DPP10: variants seen among roughly 807,000 people sequenced by gnomAD.
DPP10 encodes the protein dipeptidyl peptidase like 10.
A neutral mutation model predicts 120.9 loss-of-function variants in DPP10; 33 were observed. The observed-to-expected ratio is 0.27, with a 90% CI of 0.21 to 0.37. The LOEUF (loss-of-function observed/expected upper bound fraction) is 0.37. Ranked by LOEUF, DPP10 falls within the 10% of genes least tolerant of loss-of-function variation. The pLI, the probability that DPP10 is intolerant of heterozygous loss-of-function variation, is 1.00. For missense variants in DPP10, 816 were observed against 942.8 expected, an observed-to-expected ratio of 0.87 and a Z score of 1.76; for synonymous variants, 337 against 326.1, an observed-to-expected ratio of 1.03 and a Z score of -0.36.
intron 5 of DPP10, among the ~76,000 whole-genome samples, chr2:115,635,821 T>C (rs2086276427): frequency 6.6e-6 from 1 of 152,220 alleles, no homozygotes; most frequent in African/African-American, 2.4e-5. Flanking sequence ...AATGATAGAC[T>C]AGAAAACTCT....
At chr2:115,286,664 TAA>T (rs1354419592) in intron 1 of DPP10, among the ~76,000 whole-genome samples, 1 of 148,940 alleles carries the variant, frequency 6.7e-6, no homozygotes, top group Non-Finnish European at 1.5e-5. Flanking sequence ...GGGTGTGGAT[TAA>T]AAGTTTTGGA....
At chr2:115,739,162 C>T (rs1328356289) in intron 8 of DPP10, among the ~76,000 whole-genome samples, 1 of 152,070 alleles carries the variant, frequency 6.6e-6, no homozygotes, top group East Asian at 1.9e-4. Context: ...TTTCTAATCT[C>T]CTGCCAAAGG....
intron 3 of DPP10, among the ~76,000 whole-genome samples, chr2:115,373,857 G>A (rs2065591828): frequency 6.9e-6 from 1 of 145,226 alleles, no homozygotes; most frequent in African/African-American, 2.5e-5. Context: ...TGAAGGGGAA[G>A]CAAGCATGTC....
At chr2:114,760,266 G>A (rs954977993) in intron 1 of DPP10, among the ~76,000 whole-genome samples, 18 of 152,222 alleles carry the variant, frequency 1.2e-4, no homozygotes, top group Admixed American at 2.6e-4. Flanking sequence ...TCTGAGAACC[G>A]TCCTAGCATA....
At chr2:114,666,512 A>G (rs181001328) in intron 1 of DPP10, among the ~76,000 whole-genome samples, 55 of 152,312 alleles carry the variant, frequency 3.6e-4, no homozygotes, top group African/African-American at 1.3e-3. Context: ...AGCAAACGCC[A>G]TTTTCATCTG....
At chr2:114,524,486 C>T (rs1685329786) in intron 1 of DPP10, among the ~76,000 whole-genome samples, 1 of 152,160 alleles carries the variant, frequency 6.6e-6, no homozygotes, top group Admixed American at 6.5e-5. Context: ...GAAAATCACA[C>T]CCAAAATATT....
chr2:115,710,451 A>G (rs1309090004), intron 7 of DPP10, among the ~76,000 whole-genome samples: 1 of 152,128 alleles, frequency 6.6e-6, no homozygotes, highest in Non-Finnish European at 1.5e-5. Context: ...CCTTAATAAT[A>G]ATTTTCACAA....
At chr2:115,004,242 T>A (rs984440767) in intron 1 of DPP10, among the ~76,000 whole-genome samples, 5 of 152,176 alleles carry the variant, frequency 3.3e-5, no homozygotes, top group African/African-American at 1.2e-4. Flanking sequence ...TAAGACGTGG[T>A]GTTTGATATA....
intron 5 of DPP10, among the ~76,000 whole-genome samples, chr2:115,566,461 A>C (rs2081015804): frequency 6.6e-6 from 1 of 151,626 alleles, no homozygotes; most frequent in Non-Finnish European, 1.5e-5. Flanking sequence ...GTTACTATAG[A>C]CTCGTGGATT....
At chr2:115,714,039 A>G (rs2092412049) in intron 7 of DPP10, among the ~76,000 whole-genome samples, 1 of 152,186 alleles carries the variant, frequency 6.6e-6, no homozygotes, top group Non-Finnish European at 1.5e-5. Flanking sequence ...CTAGCTGTCT[A>G]AACATCTGCT....
intron 1 of DPP10, among the ~76,000 whole-genome samples, chr2:114,690,600 T>A (rs990230405): frequency 6.6e-6 from 1 of 151,996 alleles, no homozygotes; most frequent in Non-Finnish European, 1.5e-5. Context: ...TATACAAATA[T>A]TTTTTCTAAT....
chr2:115,246,919 G>A (rs1291517515), intron 1 of DPP10, among the ~76,000 whole-genome samples: 1 of 152,128 alleles, frequency 6.6e-6, no homozygotes, highest in Non-Finnish European at 1.5e-5. Flanking sequence ...GAGTGAGGGT[G>A]TATTTGCCTA....
At chr2:115,452,842 G>A (rs2197794) in intron 3 of DPP10, among the ~76,000 whole-genome samples, 28,647 of 151,630 alleles carry the variant, frequency 0.19, 3,600 homozygotes, top group East Asian at 0.39. Flanking sequence ...AGACATATTC[G>A]TTTAGTAGGT....
chr2:115,426,305 C>G (rs1460800776), intron 3 of DPP10, among the ~76,000 whole-genome samples: 2 of 36,350 alleles, frequency 5.5e-5, no homozygotes, highest in Non-Finnish European at 9.6e-5. Context: ...CTGGAGATGA[C>G]ATTTCAACAT....
chr2:114,766,263 A>G (rs1216771260), intron 1 of DPP10, among the ~76,000 whole-genome samples: 2 of 152,106 alleles, frequency 1.3e-5, no homozygotes, highest in Non-Finnish European at 2.9e-5. Context: ...CCATTTCATC[A>G]GCTAAAATAA....
intron 1 of DPP10, among the ~76,000 whole-genome samples, chr2:115,286,906 G>T (rs1415207952): frequency 6.6e-6 from 1 of 151,884 alleles, no homozygotes; most frequent in East Asian, 1.9e-4. Context: ...CAAAACAGTT[G>T]TGCCATGGCA....
At chr2:115,557,181 A>G (rs560183363) in intron 5 of DPP10, among the ~76,000 whole-genome samples, 1 of 152,226 alleles carries the variant, frequency 6.6e-6, no homozygotes, top group South Asian at 2.1e-4. Context: ...CTCTCTGTAC[A>G]TACTGAATTT....
intron 7 of DPP10, among the ~76,000 whole-genome samples, chr2:115,709,805 A>G (rs1187242344): frequency 6.6e-6 from 1 of 152,048 alleles, no homozygotes; most frequent in East Asian, 1.9e-4. Flanking sequence ...GAAAACTGCA[A>G]ATCTCTAACA....
rs370241001 is a variant in DPP10, at chr2:115,827,303, A to G, written c.1951-8854A>G. The stretch of plus-strand genomic sequence containing the variant: ...TACACATACATATATACACATACAT[A>G]TATATACACATGTACATGTATATGT... On this transcript the variant is annotated intron_variant, in intron 21 of 25. Coordinates refer to ENST00000410059, the MANE Select transcript of DPP10 (RefSeq NM_020868.6). Among the ~76,000 whole-genome samples, 12 of 85,674 alleles carry G rather than the reference A, an allele frequency of 1.4e-4. No individual in the cohort carries two copies. In the East Asian group the frequency reaches 2.7e-3, roughly 20 times the overall value. 56.2% of individuals were successfully genotyped at this position (85,674 alleles called of 152,430 possible). A position where few individuals can be genotyped will look rare whatever the true frequency, so the allele number is the denominator to read the frequency against.
Sources: allele counts gnomAD v4.1 joint callset (sites outside exome capture counted in the v4.1 genomes callset), GRCh38; gene constraint gnomAD v4.1.1; transcripts MANE v1.5; gene names NCBI Gene and HGNC (gene_info 2026-07-23, HGNC 2026-07-21).